Variants in SLAMF8 observed in about 807,000 individuals in gnomAD.
The protein encoded by SLAMF8 is B lymphocyte activator macrophage expressed.
Under a neutral mutation model 29.0 loss-of-function variants are expected in SLAMF8, and 23 were observed. The ratio of observed to expected loss-of-function variants is 0.79; its 90% CI spans 0.57 to 1.13. SLAMF8 has a LOEUF of 1.13. SLAMF8 is among the 50% of genes most tolerant of loss of function. The pLI, the probability that SLAMF8 is intolerant of heterozygous loss-of-function variation, is 0.00. For missense variants in SLAMF8, 381 were observed against 353.1 expected, an observed-to-expected ratio of 1.08 and a Z score of -0.63; for synonymous variants, 139 against 145.6, an observed-to-expected ratio of 0.96 and a Z score of 0.32.
intron 1 of SLAMF8, 143 bp from the exon 2 acceptor site, chr1:159,829,723 G>T: frequency 1.3e-6 from 1 of 747,352 alleles, no homozygotes; most frequent in South Asian, 2.2e-5. Flanking sequence ...TTTATCCCTG[G>T]TACCTAGCAC....
At position 159,832,880 on chromosome 1, in the gene SLAMF8, A is replaced by T; in HGVS notation, c.372A>T (p.Ala124=). 6.2e-7 allele frequency: 1 copy of T among 1,611,822 alleles called. No homozygotes were observed. The highest frequency in any genetic ancestry group is 8.5e-7 in the Non-Finnish European group (1 of 1,178,134). ...TQTLQLKVYD[A]VPRPVVQVFI... ...AGCTGTACTTTTCTTTCCCAGATGC[A>T]GTGCCCAGGCCCGTGGTACAAGTGT... The change falls in exon 3 of 5, where the codon GCA becomes GCT. Residue 124 remains alanine (A), a synonymous_variant. Coordinates refer to ENST00000289707, the MANE Select transcript of SLAMF8 (RefSeq NM_020125.3).
chr1:159,836,545 A>T lies in SLAMF8; in HGVS notation c.*1285A>T. Reference sequence around the variant, plus strand: ...TTTCTGGGGCCTCAATCCAGTCTTGATAACAGCGAGGAAAGAGGTATTGAA... The same window carrying T: ...TTTCTGGGGCCTCAATCCAGTCTTGTTAACAGCGAGGAAAGAGGTATTGAA... On this transcript the variant is annotated 3_prime_UTR_variant, in exon 5 of 5. Coordinates refer to ENST00000289707, the MANE Select transcript of SLAMF8 (RefSeq NM_020125.3). 3.0e-6 allele frequency: 3 copies of T among 985,460 alleles called. No individual in the cohort carries two copies. Among genetic ancestry groups the T allele is most frequent in the Non-Finnish European group, 3.6e-6 (3 of 829,944 alleles). The allele number at this position is 985,460 out of a possible 1,614,324, so 61.0% of individuals were successfully genotyped here.
At position 159,830,272 on chromosome 1, in the gene SLAMF8, G is replaced by A. The variant is rs1018561833; in HGVS notation, c.367+80G>A. 1.4e-5 allele frequency: 20 copies of A among 1,414,384 alleles called. No homozygotes were observed. In the East Asian group the frequency reaches 4.1e-4, roughly 29 times the overall value. 87.6% of individuals were successfully genotyped at this position (1,414,384 alleles called of 1,614,324 possible). A position where few individuals can be genotyped will look rare whatever the true frequency, so the allele number is the denominator to read the frequency against. ...GAGCATCCTGAGTCATAGCAGCCAG[G>A]GAGAGCTGGGTTCCAGAAAGCTCTG... is the stretch of plus-strand genomic sequence containing the variant. On this transcript the variant is annotated intron_variant, in intron 2 of 4. Coordinates refer to ENST00000289707, the MANE Select transcript of SLAMF8 (RefSeq NM_020125.3).
Position 159,833,663 on chromosome 1 carries a change from C to G in SLAMF8, c.781+294C>G, listed in dbSNP as rs182541754. On this transcript the variant is annotated intron_variant, in intron 4 of 4. Transcript: ENST00000289707. ...CCATGATTTCCCACCCAGCCTCCCC[C>G]CTTCATGTGGCTATCTCATACTCAG... Among the ~76,000 whole-genome samples the G allele has an allele frequency of 1.2e-4, 18 of 152,310 alleles. 1 individual carries two copies. The highest frequency in any genetic ancestry group is 6.8e-3 in the Middle Eastern group (2 of 294).
At chr1:159,831,930 C>A (rs1180946186) in intron 2 of SLAMF8, among the ~76,000 whole-genome samples, 1 of 152,186 alleles carries the variant, frequency 6.6e-6, no homozygotes, top group African/African-American at 2.4e-5. Context: ...CAAATCATTT[C>A]TCTTTCATAT....
Position 159,835,997 on chromosome 1 carries a change from C to T in SLAMF8, c.*737C>T, listed in dbSNP as rs945752763. ...TCCTCACCATCTCCATCCGCTCTCA[C>T]GCCTCCTGCAGGATCTGGGAGTGAG... On this transcript the variant is annotated 3_prime_UTR_variant, in exon 5 of 5. Coordinates refer to ENST00000289707, the MANE Select transcript of SLAMF8 (RefSeq NM_020125.3). The T allele has an allele frequency of 3.1e-5, 31 of 985,464 alleles. No individual in the cohort carries two copies. In the African/African-American group the frequency reaches 3.5e-4, roughly 11 times the overall value. 61.0% of individuals were successfully genotyped at this position (985,464 alleles called of 1,614,324 possible).
Position 159,836,262 on chromosome 1 carries a change from A to G in SLAMF8, c.*1002A>G. ...CACATTCATTTTCAAATGCAAATGC[A>G]GAAGACTTACCTTAGTTCAAGGGGA... On this transcript the variant is annotated 3_prime_UTR_variant, in exon 5 of 5. Transcript: ENST00000289707. 1.0e-6 allele frequency: 1 copy of G among 985,376 alleles called. No homozygotes were observed. The highest frequency in any genetic ancestry group is 1.2e-6 in the Non-Finnish European group (1 of 829,848). The allele number at this position is 985,376 out of a possible 1,614,324, so 61.0% of individuals were successfully genotyped here.
chr1:159,830,068 G>A lies in SLAMF8; in HGVS notation c.243G>A (p.Gln81=). The stretch of plus-strand genomic sequence containing the variant: ...ATTCCCGCTTCCTGGGCCGAGCCCA[G>A]CTACACAGCAACCTCAGCCTGGAGC... ...LYHSRFLGRA[Q]LHSNLSLELG... Residue 81 remains glutamine (Q), a synonymous_variant, in exon 2 of 5, where the codon CAG becomes CAA. Transcript: ENST00000289707. The A allele has an allele frequency of 6.2e-7, 1 of 1,614,224 alleles. No individual in the cohort carries two copies. The highest frequency in any genetic ancestry group is 1.7e-5 in the Admixed American group (1 of 60,030).
At chr1:159,831,853 A>G (rs1026885088) in intron 2 of SLAMF8, among the ~76,000 whole-genome samples, 3 of 152,248 alleles carry the variant, frequency 2.0e-5, no homozygotes, top group African/African-American at 7.2e-5. Flanking sequence ...GTTTGGAAGC[A>G]GCTTGTCCTC....
chr1:159,837,265 G>A lies in SLAMF8; in HGVS notation c.*2005G>A. 1 of 985,462 alleles carries A rather than the reference G, an allele frequency of 1.0e-6. No individual in the cohort carries two copies. Among genetic ancestry groups the A allele is most frequent in the Non-Finnish European group, 1.2e-6 (1 of 829,998 alleles). The allele number at this position is 985,462 out of a possible 1,614,324, so 61.0% of individuals were successfully genotyped here. On this transcript the variant is annotated 3_prime_UTR_variant, in exon 5 of 5. Coordinates refer to ENST00000289707, the MANE Select transcript of SLAMF8 (RefSeq NM_020125.3). ...TCCTTAATGACTCACTTGTCAACTAGTGGACTAATTAACCCTCCACCAAAA... is the reference window on the plus strand; with the variant it reads ...TCCTTAATGACTCACTTGTCAACTAATGGACTAATTAACCCTCCACCAAAA...
chr1:159,828,897 G>A (rs1557887160), intron 1 of SLAMF8, among the ~76,000 whole-genome samples: 1 of 152,086 alleles, frequency 6.6e-6, no homozygotes, highest in Non-Finnish European at 1.5e-5. Context: ...CTCAAATATA[G>A]TCCCCCAAAA....
rs183886615 is a variant in SLAMF8, at chr1:159,827,470, G to A, written c.40+532G>A. ...TAAATGTGGCCCACGTGGACTTAGG[G>A]GTGGCCGACGGTGGTGTGATGTTGG... is the stretch of plus-strand genomic sequence containing the variant. On this transcript the variant is annotated intron_variant, in intron 1 of 4. Coordinates refer to ENST00000289707, the MANE Select transcript of SLAMF8 (RefSeq NM_020125.3). Among the ~76,000 whole-genome samples the A allele has an allele frequency of 7.0e-4, 107 of 152,226 alleles. 1 individual carries two copies. In the East Asian group the frequency reaches 0.016, roughly 23 times the overall value.
intron 4 of SLAMF8, among the ~76,000 whole-genome samples, chr1:159,833,674 C>T (rs1311136250): frequency 6.6e-6 from 1 of 152,184 alleles, no homozygotes; most frequent in East Asian, 1.9e-4. Context: ...CTTCATGTGG[C>T]TATCTCATAC....
Position 159,826,964 on chromosome 1 carries a change from T to A in SLAMF8, c.40+26T>A, listed in dbSNP as rs141754331. ...GTAAGTGGGGCAGGCAGATAGCCTG[T>A]CCTCGGAGAGCTGAAGGCCCCTCCC... On this transcript the variant is annotated intron_variant, in intron 1 of 4. Coordinates refer to ENST00000289707, the MANE Select transcript of SLAMF8 (RefSeq NM_020125.3). 4.3e-4 allele frequency: 697 copies of A among 1,613,826 alleles called. 3 individuals carry two copies. The African/African-American group carries it at 8.3e-3, about 19-fold the overall frequency.
chr1:159,827,286 A>G lies in SLAMF8; in HGVS notation c.40+348A>G, dbSNP rs182618093. ...TGAGGACCCGGCAGTGTTAGCATGC[A>G]GAAACTCTGCAGAGTTTGAGGAGAG... is the stretch of plus-strand genomic sequence containing the variant. On this transcript the variant is annotated intron_variant, in intron 1 of 4. Coordinates refer to ENST00000289707, the MANE Select transcript of SLAMF8 (RefSeq NM_020125.3). 1.4e-3 allele frequency among the ~76,000 whole-genome samples: 215 copies of G among 152,282 alleles called. 4 individuals are homozygous for G. The South Asian group carries it at 0.024, about 17-fold the overall frequency.
rs1308280008 is a variant in SLAMF8, at chr1:159,835,383, C to T, written c.*123C>T. ...TCATATCTCCCATGGGAATCCTGTCCTGCCTCGAAGGAGCAGCCTGGGCAG... is the reference window on the plus strand; with the variant it reads ...TCATATCTCCCATGGGAATCCTGTCTTGCCTCGAAGGAGCAGCCTGGGCAG... On this transcript the variant is annotated 3_prime_UTR_variant, in exon 5 of 5. Coordinates refer to ENST00000289707, the MANE Select transcript of SLAMF8 (RefSeq NM_020125.3). 2.8e-6 allele frequency: 4 copies of T among 1,435,150 alleles called. No individual in the cohort carries two copies. The East Asian group carries it at 8.0e-5, about 29-fold the overall frequency. 88.9% of individuals were successfully genotyped at this position (1,435,150 alleles called of 1,614,324 possible). A position where few individuals can be genotyped will look rare whatever the true frequency, so the allele number is the denominator to read the frequency against.
rs1647972035 is a variant in SLAMF8 at position 159,836,746 on chromosome 1, C to T, written c.*1486C>T. ...AGATCCACATCACCACTCTTCCACT[C>T]GATTGTTCCCAGATCCTCCCTGCCT... is the stretch of plus-strand genomic sequence containing the variant. On this transcript the variant is annotated 3_prime_UTR_variant, in exon 5 of 5. Coordinates refer to ENST00000289707, the MANE Select transcript of SLAMF8 (RefSeq NM_020125.3). The T allele has an allele frequency of 1.0e-6, 1 of 985,506 alleles. No individual in the cohort carries two copies. The highest frequency in any genetic ancestry group is 1.2e-6 in the Non-Finnish European group (1 of 830,056). 61.0% of individuals were successfully genotyped at this position (985,506 alleles called of 1,614,324 possible).
rs1255248185 is a variant in SLAMF8 at position 159,835,084 on chromosome 1, T to C, written c.782-100T>C. On this transcript the variant is annotated intron_variant, in intron 4 of 4. Transcript: ENST00000289707. Reference sequence around the variant, plus strand: ...AAATGTTCCTTTACCTAAGGTGACCTTGGGCTAACACACTGAGGATTCAGA... The same window carrying C: ...AAATGTTCCTTTACCTAAGGTGACCCTGGGCTAACACACTGAGGATTCAGA... The C allele has an allele frequency of 5.4e-6, 6 of 1,102,766 alleles. No homozygotes were observed. In the East Asian group the frequency reaches 1.4e-4, roughly 27 times the overall value. 68.3% of individuals were successfully genotyped at this position (1,102,766 alleles called of 1,614,324 possible).
chr1:159,827,177 G>C (rs1319547444), intron 1 of SLAMF8, among the ~76,000 whole-genome samples: 2 of 152,192 alleles, frequency 1.3e-5, no homozygotes, highest in African/African-American at 4.8e-5. Context: ...TGTGAGACAT[G>C]AGCTGTTTTG....
Sources: gnomAD v4.1 joint callset for allele counts (sites outside exome capture counted in the v4.1 genomes callset) on GRCh38, gnomAD v4.1.1 for gene constraint, MANE v1.5 for transcripts, NCBI Gene and HGNC (gene_info 2026-07-23, HGNC 2026-07-21) for gene names.